The following LRRTM4 variants were observed in gnomAD, a reference collection of about 807,000 sequenced individuals.
LRRTM4 encodes the protein leucine rich repeat transmembrane neuronal 4.
LRRTM4 carries 25 observed loss-of-function variants against 47.6 expected under a neutral mutation model. The ratio of observed to expected loss-of-function variants is 0.53; its 90% CI spans 0.38 to 0.73. The LOEUF (loss-of-function observed/expected upper bound fraction) is 0.73. Ranked by LOEUF, LRRTM4 falls within the 30% of genes least tolerant of loss-of-function variation. The pLI is 0.00. For missense variants in LRRTM4, 638 were observed against 713.4 expected (o/e 0.89, Z 1.20); for synonymous variants, 311 against 269.5 (o/e 1.15, Z -1.51).
At chr2:76,996,258 T>C (rs745374449) in intron 3 of LRRTM4, among the ~76,000 whole-genome samples, 1 of 152,062 alleles carries the variant, frequency 6.6e-6, no homozygotes, top group Admixed American at 6.6e-5. Context: ...ATTTTGTTGA[T>C]TTAGAGAAAT....
intron 3 of LRRTM4, among the ~76,000 whole-genome samples, chr2:77,439,298 C>T (rs1032078696): frequency 2.0e-5 from 3 of 152,162 alleles, no homozygotes; most frequent in African/African-American, 7.2e-5. Context: ...TCTTCTTCCT[C>T]CCTTTCTCTT....
chr2:77,185,299 G>T (rs912061572), intron 3 of LRRTM4, among the ~76,000 whole-genome samples: 1 of 152,068 alleles, frequency 6.6e-6, no homozygotes, highest in Non-Finnish European at 1.5e-5. Flanking sequence ...GTCGTTCTTC[G>T]GATGAAATGT....
intron 3 of LRRTM4, among the ~76,000 whole-genome samples, chr2:77,192,998 G>GA (rs35643266): frequency 1.3e-5 from 2 of 152,056 alleles, no homozygotes; most frequent in Non-Finnish European, 2.9e-5. Flanking sequence ...TTCTGTCAAG[G>GA]AAAAATCACA....
chr2:76,807,429 T>C lies in LRRTM4; in HGVS notation c.1552-58513A>G, dbSNP rs370485197. On this transcript the variant is annotated intron_variant, in intron 3 of 3. Transcript: ENST00000409884. ...ATACGTATATATATATATATACATA[T>C]ATATATACGTATATACATATATATA... 6.3e-3 allele frequency among the ~76,000 whole-genome samples: 623 copies of C among 99,304 alleles called. 8 individuals are homozygous for C. The highest frequency in any genetic ancestry group is 0.043 in the East Asian group (104 of 2,394). The allele number at this position is 99,304 out of a possible 152,430, so 65.1% of individuals were successfully genotyped here. A position where few individuals can be genotyped will look rare whatever the true frequency, so the allele number is the denominator to read the frequency against.
chr2:77,069,345 A>T (rs1373309315), intron 3 of LRRTM4, among the ~76,000 whole-genome samples: 11 of 150,354 alleles, frequency 7.3e-5, no homozygotes, highest in Admixed American at 7.3e-4. Flanking sequence ...CGTTTTTTAG[A>T]TTTTCTTGGA....
intron 3 of LRRTM4, among the ~76,000 whole-genome samples, chr2:77,466,337 A>C (rs1203873763): frequency 6.6e-6 from 1 of 152,190 alleles, no homozygotes; most frequent in Non-Finnish European, 1.5e-5. Context: ...ACCACTAAGC[A>C]AGAAAAATAA....
chr2:77,229,607 A>T (rs1674909382), intron 3 of LRRTM4, among the ~76,000 whole-genome samples: 1 of 152,124 alleles, frequency 6.6e-6, no homozygotes, highest in Admixed American at 6.6e-5. Flanking sequence ...CCATGAGAAA[A>T]GTATGTTGAC....
chr2:77,129,313 T>G (rs1299115720), intron 3 of LRRTM4, among the ~76,000 whole-genome samples: 2 of 152,236 alleles, frequency 1.3e-5, no homozygotes, highest in African/African-American at 4.8e-5. Flanking sequence ...TTTGAAATGT[T>G]AAATATTACA....
At chr2:76,944,478 C>T (rs1675257294) in intron 3 of LRRTM4, among the ~76,000 whole-genome samples, 1 of 152,058 alleles carries the variant, frequency 6.6e-6, no homozygotes, top group East Asian at 1.9e-4. Context: ...AGTGATTTCT[C>T]CAGTACCTGA....
At chr2:77,477,184 T>C (rs1317325401) in intron 3 of LRRTM4, among the ~76,000 whole-genome samples, 1 of 152,124 alleles carries the variant, frequency 6.6e-6, no homozygotes, top group Non-Finnish European at 1.5e-5. Flanking sequence ...GTGCACACGA[T>C]CATGATGAAA....
chr2:76,949,345 A>T (rs1356871652), intron 3 of LRRTM4, among the ~76,000 whole-genome samples: 1 of 151,956 alleles, frequency 6.6e-6, no homozygotes, highest in African/African-American at 2.4e-5. Flanking sequence ...AGGCTGCTTT[A>T]TTGGGAATTC....
intron 3 of LRRTM4, among the ~76,000 whole-genome samples, chr2:77,116,699 A>G (rs377409291): frequency 2.2e-4 from 34 of 152,206 alleles, no homozygotes; most frequent in East Asian, 1.4e-3. Flanking sequence ...CCATATTGTA[A>G]GGACTCTTAC....
At chr2:77,303,179 G>A (rs185109956) in intron 3 of LRRTM4, among the ~76,000 whole-genome samples, 3 of 151,768 alleles carry the variant, frequency 2.0e-5, no homozygotes, top group African/African-American at 4.8e-5. Flanking sequence ...CTTAAAACCC[G>A]GTGTCTCGGA....
chr2:77,207,142 T>TTATATATATATATATA (rs35745580), intron 3 of LRRTM4, among the ~76,000 whole-genome samples: 5 of 136,852 alleles, frequency 3.7e-5, no homozygotes, highest in Admixed American at 3.0e-4. Flanking sequence ...TATTTTATAT[T>TTATATATATATATATA]TATATATATA....
Position 76,975,401 on chromosome 2 carries a change from GACTT to G in LRRTM4, c.1552-226489_1552-226486del, listed in dbSNP as rs200438320. 2.9e-3 allele frequency among the ~76,000 whole-genome samples: 394 copies of G among 135,824 alleles called. 1 individual carries two copies. The highest frequency in any genetic ancestry group is 0.012 in the African/African-American group (373 of 31,212). The allele number at this position is 135,824 out of a possible 152,430, so 89.1% of individuals were successfully genotyped here. On this transcript the variant is annotated intron_variant, in intron 3 of 3. Coordinates refer to ENST00000409884, the MANE Select transcript of LRRTM4 (RefSeq NM_001134745.3). ...TCATTCTTCTGGCTTAATCATAAGA[GACTT>G]ATTTATTTATTTATTTATTTATTAT...
At chr2:76,927,100 C>A (rs1011286993) in intron 3 of LRRTM4, among the ~76,000 whole-genome samples, 2 of 152,094 alleles carry the variant, frequency 1.3e-5, no homozygotes, top group African/African-American at 4.8e-5. Flanking sequence ...TAGCCACTTG[C>A]AATACTTATG....
chr2:77,047,865 C>T (rs1398103386), intron 3 of LRRTM4, among the ~76,000 whole-genome samples: 1 of 152,048 alleles, frequency 6.6e-6, no homozygotes, highest in Non-Finnish European at 1.5e-5. Context: ...GCATTACTGA[C>T]ATTTTGGGCA....
At chr2:76,983,065 C>T (rs185050471) in intron 3 of LRRTM4, among the ~76,000 whole-genome samples, 13 of 151,926 alleles carry the variant, frequency 8.6e-5, no homozygotes, top group African/African-American at 3.1e-4. Context: ...ATATTGTGTC[C>T]TTTACATTCA....
intron 3 of LRRTM4, among the ~76,000 whole-genome samples, chr2:77,411,451 C>CTTTTTTTT (rs138496739): frequency 1.7e-5 from 2 of 116,042 alleles, no homozygotes; most frequent in Non-Finnish European, 3.5e-5. Flanking sequence ...TCTCTTTCTT[C>CTTTTTTTT]TTTTTTTTTT....
Sources: allele counts gnomAD v4.1 joint callset (sites outside exome capture counted in the v4.1 genomes callset), GRCh38; gene constraint gnomAD v4.1.1; transcripts MANE v1.5; gene names NCBI Gene and HGNC (gene_info 2026-07-23, HGNC 2026-07-21).